Variants in RNF2 observed in about 807,000 individuals in gnomAD.
RNF2 encodes ring finger protein 2.
A neutral mutation model predicts 37.2 loss-of-function variants in RNF2; 6 were observed. That is an observed-to-expected ratio of 0.16 (90% CI 0.09 to 0.32). RNF2 has a LOEUF of 0.32. Ranked by LOEUF, RNF2 falls within the 10% of genes least tolerant of loss-of-function variation. The probability of loss-of-function intolerance (pLI) is 1.00; values close to 1 mark genes in which losing one functional copy is unlikely to be tolerated. For missense variants in RNF2, 251 were observed against 404.0 expected, an observed-to-expected ratio of 0.62 and a Z score of 3.25; for synonymous variants, 133 against 132.7, an observed-to-expected ratio of 1.00 and a Z score of -0.02.
intron 1 of RNF2, among the ~76,000 whole-genome samples, chr1:185,054,307 G>A (rs957808436): frequency 1.3e-5 from 2 of 152,164 alleles, no homozygotes; most frequent in African/African-American, 4.8e-5. Flanking sequence ...AGGAAATGGC[G>A]GCTTAAGTTC....
At chr1:185,083,237 A>T (rs961757708) in intron 1 of RNF2, among the ~76,000 whole-genome samples, 7 of 152,176 alleles carry the variant, frequency 4.6e-5, no homozygotes, top group African/African-American at 1.7e-4. Context: ...AATTATTTTG[A>T]TAGCTAGATT....
intron 1 of RNF2, among the ~76,000 whole-genome samples, chr1:185,063,118 A>G (rs1474651604): frequency 6.6e-6 from 1 of 152,184 alleles, no homozygotes; most frequent in Non-Finnish European, 1.5e-5. Flanking sequence ...CAAAATATAC[A>G]CTAAACCTGT....
At chr1:185,090,261 T>A (rs1356041218) in intron 2 of RNF2, among the ~76,000 whole-genome samples, 2 of 151,832 alleles carry the variant, frequency 1.3e-5, no homozygotes, top group African/African-American at 4.8e-5. Flanking sequence ...TGGTTTTCCC[T>A]TTTTCTTTTC....
At chr1:185,082,307 TGCTCC>T (rs1651440075) in intron 1 of RNF2, among the ~76,000 whole-genome samples, 1 of 151,094 alleles carries the variant, frequency 6.6e-6, no homozygotes. Context: ...CTGGTCACTA[TGCTCC>T]GCGTCTTCAA....
At chr1:185,054,215 T>G (rs1289299541) in intron 1 of RNF2, among the ~76,000 whole-genome samples, 1 of 152,240 alleles carries the variant, frequency 6.6e-6, no homozygotes, top group African/African-American at 2.4e-5. Context: ...CGGGTTTCAA[T>G]ATGCCTTGGA....
At chr1:185,086,947 A>G (rs1055971439) in intron 1 of RNF2, among the ~76,000 whole-genome samples, 1 of 152,186 alleles carries the variant, frequency 6.6e-6, no homozygotes, top group Non-Finnish European at 1.5e-5. Flanking sequence ...AGCAGTAATT[A>G]AGCACTTTTG....
Position 185,100,448 on chromosome 1 carries a change from T to C in RNF2, c.*147T>C. The C allele has an allele frequency of 2.3e-6, 1 of 433,076 alleles. No homozygotes were observed. The highest frequency in any genetic ancestry group is 3.5e-5 in the East Asian group (1 of 28,184). 26.8% of individuals were successfully genotyped at this position (433,076 alleles called of 1,614,324 possible). ...CAGACTAGTTTACGCTATTCAAATC[T>C]TTTCCCCTTTATTTAAGATTTCCTT... On this transcript the variant is annotated 3_prime_UTR_variant, in exon 7 of 7. Transcript: ENST00000367510.
chr1:185,046,029 A>C (rs979720841), intron 1 of RNF2: 1 of 152,202 alleles, frequency 6.6e-6, no homozygotes, highest in Non-Finnish European at 1.5e-5. Flanking sequence ...GCCTCTCTGC[A>C]GCCCTACTCC....
chr1:185,072,867 G>A (rs1651026775), intron 1 of RNF2, among the ~76,000 whole-genome samples: 1 of 152,104 alleles, frequency 6.6e-6, no homozygotes, highest in Non-Finnish European at 1.5e-5. Flanking sequence ...TTGAACCCAC[G>A]AGATGGAAGT....
chr1:185,053,817 G>T (rs748218652), intron 1 of RNF2, among the ~76,000 whole-genome samples: 2 of 152,086 alleles, frequency 1.3e-5, no homozygotes, highest in Admixed American at 6.5e-5. Context: ...ATTAGGTCTT[G>T]TGTGCCTGTG....
intron 1 of RNF2, among the ~76,000 whole-genome samples, chr1:185,064,150 G>C (rs1007572063): frequency 1.3e-5 from 2 of 152,068 alleles, no homozygotes; most frequent in Non-Finnish European, 2.9e-5. Flanking sequence ...ATTTCAATCT[G>C]TCTTAAATTT....
intron 4 of RNF2, among the ~76,000 whole-genome samples, chr1:185,093,709 C>T (rs1651834023): frequency 6.6e-6 from 1 of 152,192 alleles, no homozygotes. Context: ...TCTCCCTTCT[C>T]TTTGAATAAT....
rs768356678 is a variant in RNF2 at position 185,101,832 on chromosome 1, G to GTTTTTTTTTTTTTTT, written c.*1539_*1553dup. ...AATATTTAAAATCTGTTTTTACAGGGTTTTTTTTTTTTTTTTTTTTTTGTA... is the reference window on the plus strand; with the variant it reads ...AATATTTAAAATCTGTTTTTACAGGGTTTTTTTTTTTTTTTTTTTTTTTTTTTTTTTTTTTTTGTA... On this transcript the variant is annotated 3_prime_UTR_variant, in exon 7 of 7. Coordinates refer to ENST00000367510, the MANE Select transcript of RNF2 (RefSeq NM_007212.4). 10 of 97,878 alleles carry GTTTTTTTTTTTTTTT rather than the reference G, an allele frequency of 1.0e-4. No homozygotes were observed. Among genetic ancestry groups the GTTTTTTTTTTTTTTT allele is most frequent in the African/African-American group, 2.8e-4 (7 of 24,666 alleles). The allele number at this position is 97,878 out of a possible 1,614,324, so 6.1% of individuals were successfully genotyped here. A position where few individuals can be genotyped will look rare whatever the true frequency, so the allele number is the denominator to read the frequency against.
At chr1:185,074,362 T>C (rs1032284440) in intron 1 of RNF2, among the ~76,000 whole-genome samples, 1 of 152,106 alleles carries the variant, frequency 6.6e-6, no homozygotes, top group Non-Finnish European at 1.5e-5. Context: ...GATGGGACTG[T>C]AGGGGTAGGA....
At chr1:185,091,065 TTATAAAC>T (rs1282086300) in intron 2 of RNF2, among the ~76,000 whole-genome samples, 1 of 152,222 alleles carries the variant, frequency 6.6e-6, no homozygotes, top group East Asian at 1.9e-4. Flanking sequence ...ATTAAGCTGT[TTATAAAC>T]TAGAGAAACT....
chr1:185,097,551 T>C (rs769098807), intron 4 of RNF2, among the ~76,000 whole-genome samples: 14 of 152,382 alleles, frequency 9.2e-5, no homozygotes, highest in Non-Finnish European at 1.8e-4. Context: ...AAATTATTTT[T>C]AAGAGATAGC....
intron 1 of RNF2, among the ~76,000 whole-genome samples, chr1:185,069,967 T>A (rs1355815034): frequency 1.3e-5 from 2 of 152,234 alleles, no homozygotes; most frequent in Non-Finnish European, 2.9e-5. Context: ...ATGAGGCACA[T>A]TAACCAAAGA....
intron 1 of RNF2, among the ~76,000 whole-genome samples, chr1:185,064,671 C>T (rs943019720): frequency 1.3e-5 from 2 of 149,222 alleles, no homozygotes; most frequent in African/African-American, 4.9e-5. Flanking sequence ...CAACGAGCAT[C>T]TTTATTGTTA....
At chr1:185,092,947 A>C (rs1279576786) in intron 3 of RNF2, 114 bp from the exon 4 acceptor site, 1 of 870,062 alleles carries the variant, frequency 1.1e-6, no homozygotes, top group African/African-American at 1.7e-5. Context: ...CATTTCTGTG[A>C]CTTATTAAAG....
Sources: gnomAD v4.1 joint callset for allele counts (sites outside exome capture counted in the v4.1 genomes callset) on GRCh38, gnomAD v4.1.1 for gene constraint, MANE v1.5 for transcripts, NCBI Gene and HGNC (gene_info 2026-07-23, HGNC 2026-07-21) for gene names.